The following WDPCP variants were observed in gnomAD, a reference collection of about 807,000 sequenced individuals.
The protein encoded by WDPCP is WD repeat containing planar cell polarity effector.
WDPCP carries 71 observed loss-of-function variants against 93.1 expected under a neutral mutation model. That is an observed-to-expected ratio of 0.76 (90% CI 0.63 to 0.93). The LOEUF (loss-of-function observed/expected upper bound fraction) is 0.93. Ranked by LOEUF, WDPCP falls within the 40% of genes least tolerant of loss-of-function variation. The pLI, the probability that WDPCP is intolerant of heterozygous loss-of-function variation, is 0.00. For synonymous variants in WDPCP, 315 were observed against 315.0 expected, an observed-to-expected ratio of 1.00 and a Z score of 0.00; for missense variants, 844 against 887.4, an observed-to-expected ratio of 0.95 and a Z score of 0.62.
intron 1 of WDPCP, among the ~76,000 whole-genome samples, chr2:63,564,880 C>A (rs989192788): frequency 1.3e-5 from 2 of 151,286 alleles, no homozygotes; most frequent in African/African-American, 4.9e-5. Flanking sequence ...CAGGTTCAAG[C>A]AATTCTACTG....
chr2:63,369,414 G>C, intron 12 of WDPCP: 1 of 456,540 alleles, frequency 2.2e-6, no homozygotes, highest in South Asian at 1.5e-5. Flanking sequence ...TGCAGATGCA[G>C]TTCACTCTCT....
chr2:63,365,536 G>C (rs1316316516), intron 12 of WDPCP, among the ~76,000 whole-genome samples: 2 of 152,076 alleles, frequency 1.3e-5, no homozygotes, highest in East Asian at 1.9e-4. Context: ...AGTAGACTAG[G>C]ACCTAAAACC....
chr2:63,497,261 G>A (rs1701287278), intron 1 of WDPCP, among the ~76,000 whole-genome samples: 1 of 152,146 alleles, frequency 6.6e-6, no homozygotes, highest in South Asian at 2.1e-4. Context: ...GGAGTGCCCT[G>A]TATCATCTGA....
At chr2:63,487,324 G>C (rs1211307707) in intron 3 of WDPCP, 123 bp downstream of exon 3, 3 of 669,546 alleles carry the variant, frequency 4.5e-6, no homozygotes, top group Non-Finnish European at 7.7e-6. Flanking sequence ...AGAACTGAAG[G>C]GACTTTTCTT....
chr2:63,663,361 C>G (rs1352527569), intron 2 of WDPCP, among the ~76,000 whole-genome samples: 1 of 152,186 alleles, frequency 6.6e-6, no homozygotes, highest in Non-Finnish European at 1.5e-5. Context: ...ATACTTGGAA[C>G]TTTATAAAAC....
intron 15 of WDPCP, among the ~76,000 whole-genome samples, chr2:63,163,294 T>C (rs1672752241): frequency 6.6e-6 from 1 of 152,214 alleles, no homozygotes; most frequent in South Asian, 2.1e-4. Flanking sequence ...TTATACCCTT[T>C]CATTTTTATG....
intron 1 of WDPCP, among the ~76,000 whole-genome samples, chr2:63,555,170 C>T (rs552616091): frequency 6.6e-6 from 1 of 152,332 alleles, no homozygotes; most frequent in Admixed American, 6.5e-5. Context: ...GGAGACTGGG[C>T]AGTTTGGACA....
chr2:63,606,638 T>C (rs913734226), intron 3 of WDPCP, among the ~76,000 whole-genome samples: 1 of 152,124 alleles, frequency 6.6e-6, no homozygotes, highest in Admixed American at 6.5e-5. Flanking sequence ...ATAACTGTGC[T>C]AAAGTCAGTC....
At chr2:63,451,247 A>G (rs1698226176) in intron 6 of WDPCP, among the ~76,000 whole-genome samples, 1 of 152,086 alleles carries the variant, frequency 6.6e-6, no homozygotes, top group Non-Finnish European at 1.5e-5. Context: ...ACCAAGCAGA[A>G]GAGACAATCT....
chr2:63,239,055 A>G (rs754248428), intron 14 of WDPCP, among the ~76,000 whole-genome samples: 1 of 152,230 alleles, frequency 6.6e-6, no homozygotes, highest in Non-Finnish European at 1.5e-5. Flanking sequence ...GCCTCAGTGC[A>G]GCACTGGAAT....
intron 14 of WDPCP, among the ~76,000 whole-genome samples, chr2:63,216,901 T>C (rs1257192738): frequency 6.6e-6 from 1 of 152,202 alleles, no homozygotes; most frequent in African/African-American, 2.4e-5. Flanking sequence ...AGACACTGAA[T>C]TGGGTTCACC....
At chr2:63,532,362 G>T (rs1385310570) in intron 1 of WDPCP, among the ~76,000 whole-genome samples, 1 of 152,056 alleles carries the variant, frequency 6.6e-6, no homozygotes, top group East Asian at 1.9e-4. Context: ...TACAGAGAAT[G>T]CCACAAAGAT....
intron 7 of WDPCP, among the ~76,000 whole-genome samples, chr2:63,439,307 T>A (rs1697344484): frequency 6.6e-6 from 1 of 152,090 alleles, no homozygotes; most frequent in South Asian, 2.1e-4. Flanking sequence ...TTAGAAAATA[T>A]AGCCCAAAAT....
At chr2:63,797,459 C>T (rs1335339499) in intron 2 of WDPCP, among the ~76,000 whole-genome samples, 2 of 151,998 alleles carry the variant, frequency 1.3e-5, no homozygotes, top group Non-Finnish European at 2.9e-5. Flanking sequence ...GAGCACACTA[C>T]CCTGAAGGAA....
At chr2:63,383,764 TAATC>T (rs1260631069) in intron 10 of WDPCP, among the ~76,000 whole-genome samples, 1 of 152,076 alleles carries the variant, frequency 6.6e-6, no homozygotes, top group African/African-American at 2.4e-5. Flanking sequence ...GCACTTTTAA[TAATC>T]AAGAGAATAT....
intron 2 of WDPCP, among the ~76,000 whole-genome samples, chr2:63,656,159 G>A (rs1710163306): frequency 6.6e-6 from 1 of 152,174 alleles, no homozygotes; most frequent in African/African-American, 2.4e-5. Context: ...AGTTCCAGTT[G>A]CCAGTTCTGG....
chr2:63,592,341 C>T (rs1263049505), upstream of WDPCP, among the ~76,000 whole-genome samples: 1 of 152,116 alleles, frequency 6.6e-6, no homozygotes, highest in Non-Finnish European at 1.5e-5. Flanking sequence ...CTTTTGTTTT[C>T]ATAGTATATA....
intron 6 of WDPCP, 200 bp from the exon 7 acceptor site, chr2:63,440,071 C>T (rs1467978478): frequency 1.8e-6 from 1 of 553,502 alleles, no homozygotes; most frequent in Non-Finnish European, 3.3e-6. Flanking sequence ...GGATGCAACA[C>T]AATAAATGCA....
rs1216093830 is a variant in WDPCP at position 63,174,820 on chromosome 2, G to A, written c.1928C>T (p.Pro643Leu). Residue 643 changes from proline (P) to leucine (L), a missense_variant, in exon 15 of 18, where the codon CCC (proline) becomes CTC (leucine). Transcript: ENST00000272321. Reference protein sequence around the residue: ...SITSGVELLGPLDRGDMLNEA... With the variant: ...SITSGVELLGLLDRGDMLNEA... ...ATTTAGCATATCCCCTCTGTCCAAGGGTCCCAGGAGTTCTGTTGAAAATGA... is the reference window on the plus strand; with the variant it reads ...ATTTAGCATATCCCCTCTGTCCAAGAGTCCCAGGAGTTCTGTTGAAAATGA... 1 of 1,613,590 alleles carries A rather than the reference G, an allele frequency of 6.2e-7. No homozygotes were observed. Among genetic ancestry groups the A allele is most frequent in the African/African-American group, 1.3e-5 (1 of 74,846 alleles).
Sources: allele counts gnomAD v4.1 joint callset (sites outside exome capture counted in the v4.1 genomes callset), GRCh38; gene constraint gnomAD v4.1.1; transcripts MANE v1.5; gene names NCBI Gene and HGNC (gene_info 2026-07-23, HGNC 2026-07-21).